The following ZC3H12B variants were observed in gnomAD, a reference collection of about 807,000 sequenced individuals.
The protein encoded by ZC3H12B is zinc finger CCCH-type containing 12B, also known as probable ribonuclease ZC3H12B.
In ZC3H12B, 7 loss-of-function variants were observed where a neutral mutation model predicts 43.9. That is an observed-to-expected ratio of 0.16 (90% CI 0.09 to 0.30). The LOEUF (loss-of-function observed/expected upper bound fraction) is 0.30, where lower values mean the gene tolerates loss of function less well. ZC3H12B is among the 10% of genes least tolerant of loss of function. The pLI, the probability that ZC3H12B is intolerant of heterozygous loss-of-function variation, is 1.00. For missense variants in ZC3H12B, 475 were observed against 670.2 expected, an observed-to-expected ratio of 0.71 and a Z score of 3.22; for synonymous variants, 222 against 241.7, an observed-to-expected ratio of 0.92 and a Z score of 0.76.
chrX:65,485,140 A>G (rs1406256224), upstream of ZC3H12B, among the ~76,000 whole-genome samples: 4 of 112,490 alleles, frequency 3.6e-5, no homozygotes, highest in Non-Finnish European at 7.5e-5. Context: ...GCTTCTTAAA[A>G]CAAATTACAT....
the ZC3H12B span, among the ~76,000 whole-genome samples, chrX:65,225,529 G>A: frequency 8.9e-6 from 1 of 112,605 alleles, no homozygotes; most frequent in Non-Finnish European, 1.9e-5. Context: ...GACGGAGAAT[G>A]ACTTTGACGA....
At chrX:65,289,587 G>T in the ZC3H12B span, among the ~76,000 whole-genome samples, 1 of 108,813 alleles carries the variant, frequency 9.2e-6, no homozygotes, top group African/African-American at 3.3e-5. Context: ...TATCTAATTT[G>T]ATATTATATA....
the ZC3H12B span, among the ~76,000 whole-genome samples, chrX:65,056,469 TTC>T: frequency 8.9e-6 from 1 of 111,824 alleles, no homozygotes; most frequent in African/African-American, 3.3e-5. Flanking sequence ...TTGTTATAAT[TTC>T]TGTTTTTTTA....
At chrX:65,215,286 A>G in the ZC3H12B span, among the ~76,000 whole-genome samples, 1 of 111,772 alleles carries the variant, frequency 8.9e-6, no homozygotes, top group African/African-American at 3.2e-5. Flanking sequence ...ACTTCTGTCT[A>G]GCTGTGAAAG....
chrX:65,150,377 T>A, the ZC3H12B span, among the ~76,000 whole-genome samples: 6 of 111,098 alleles, frequency 5.4e-5, no homozygotes, highest in Admixed American at 2.9e-4. Flanking sequence ...GTTTTTTTTT[T>A]AATTCTACTT....
the ZC3H12B span, among the ~76,000 whole-genome samples, chrX:65,175,761 G>T: frequency 8.9e-6 from 1 of 112,094 alleles, no homozygotes; most frequent in Non-Finnish European, 1.9e-5. Context: ...ACGGTGGGGC[G>T]TTGCCTCACC....
At chrX:65,091,206 G>T in the ZC3H12B span, among the ~76,000 whole-genome samples, 3 of 112,106 alleles carry the variant, frequency 2.7e-5, no homozygotes, top group African/African-American at 9.7e-5. Context: ...GATCAAAGAC[G>T]AAGGCAATGT....
chrX:65,177,408 G>C, the ZC3H12B span, among the ~76,000 whole-genome samples: 9 of 112,091 alleles, frequency 8.0e-5, no homozygotes, highest in African/African-American at 2.6e-4. Flanking sequence ...ATTCAACATA[G>C]TATTGGAAGT....
At chrX:65,170,312 T>C in the ZC3H12B span, among the ~76,000 whole-genome samples, 1 of 111,849 alleles carries the variant, frequency 8.9e-6, no homozygotes, top group Non-Finnish European at 1.9e-5. Context: ...TGGCTGGATA[T>C]GAAATTCTGG....
chrX:65,057,858 C>T, the ZC3H12B span, among the ~76,000 whole-genome samples: 3 of 111,960 alleles, frequency 2.7e-5, no homozygotes, highest in Non-Finnish European at 5.6e-5. Context: ...GATACCCTTT[C>T]TTCCAGTTGA....
chrX:65,237,063 G>T, the ZC3H12B span, among the ~76,000 whole-genome samples: 1 of 111,818 alleles, frequency 8.9e-6, no homozygotes, highest in Non-Finnish European at 1.9e-5. Context: ...TTTTGAAGTA[G>T]TTTCTTCTAA....
intron 3 of ZC3H12B, among the ~76,000 whole-genome samples, chrX:65,430,413 A>G (rs1382883825): frequency 9.3e-6 from 1 of 107,072 alleles, no homozygotes; most frequent in African/African-American, 3.4e-5. Flanking sequence ...TTACATATGT[A>G]TACATGTGTC....
chrX:65,118,544 T>C, the ZC3H12B span, among the ~76,000 whole-genome samples: 168 of 111,656 alleles, frequency 1.5e-3, no homozygotes, highest in Non-Finnish European at 2.5e-3. Flanking sequence ...CCTAATTGAA[T>C]ACCCTTTATT....
chrX:65,249,429 A>T, the ZC3H12B span, among the ~76,000 whole-genome samples: 64 of 112,174 alleles, frequency 5.7e-4, no homozygotes, highest in Admixed American at 1.9e-4. Flanking sequence ...TGGTACTTTT[A>T]TACCAGTAAC....
the ZC3H12B span, among the ~76,000 whole-genome samples, chrX:65,310,873 CTT>C: frequency 8.9e-6 from 1 of 111,876 alleles, no homozygotes; most frequent in African/African-American, 3.2e-5. Flanking sequence ...CTTTGACAAA[CTT>C]GACAAAAACA....
At chrX:65,193,764 A>G in the ZC3H12B span, among the ~76,000 whole-genome samples, 1 of 111,899 alleles carries the variant, frequency 8.9e-6, no homozygotes, top group Non-Finnish European at 1.9e-5. Context: ...AGGAATTTTT[A>G]CCTATAAGTT....
At chrX:65,314,641 A>C in the ZC3H12B span, among the ~76,000 whole-genome samples, 25 of 112,020 alleles carry the variant, frequency 2.2e-4, no homozygotes, top group Non-Finnish European at 4.1e-4. Flanking sequence ...CTTCCATAAA[A>C]GATATGTCAA....
chrX:65,085,417 TAA>T, the ZC3H12B span, among the ~76,000 whole-genome samples: 19 of 110,289 alleles, frequency 1.7e-4, no homozygotes, highest in Non-Finnish European at 3.2e-4. Flanking sequence ...AAATTAAAAA[TAA>T]AAAAAAATTC....
the ZC3H12B span, among the ~76,000 whole-genome samples, chrX:65,316,807 G>C: frequency 2.7e-5 from 3 of 111,456 alleles, no homozygotes; most frequent in Non-Finnish European, 5.7e-5. Context: ...TAATAACTTT[G>C]AAAGTAAAAG....
Sources: gnomAD v4.1 joint callset for allele counts (sites outside exome capture counted in the v4.1 genomes callset) on GRCh38, gnomAD v4.1.1 for gene constraint, MANE v1.5 for transcripts, NCBI Gene and HGNC (gene_info 2026-07-23, HGNC 2026-07-21) for gene names.